HS2ST1: variants seen among roughly 807,000 people sequenced by gnomAD.
HS2ST1 encodes the protein heparan sulfate 2-O-sulfotransferase 1.
In HS2ST1, 18 loss-of-function variants were observed where a neutral mutation model predicts 42.9. The observed-to-expected ratio is 0.42, with a 90% CI of 0.29 to 0.62. HS2ST1 has a LOEUF of 0.62. Ranked by LOEUF, HS2ST1 falls within the 20% of genes least tolerant of loss-of-function variation. The pLI is 0.21. For synonymous variants in HS2ST1, 146 were observed against 152.9 expected (o/e 0.95, Z 0.33); for missense variants, 334 against 433.8 (o/e 0.77, Z 2.04).
chr1:87,009,216 A>G (rs1201139990), intron 1 of HS2ST1, among the ~76,000 whole-genome samples: 2 of 152,198 alleles, frequency 1.3e-5, no homozygotes, highest in African/African-American at 4.8e-5. Context: ...GTTATGTACA[A>G]TGTGTATTAT....
At chr1:87,103,685 C>T (rs990397816) in intron 6 of HS2ST1, 96 bp downstream of exon 6, 14 of 1,019,440 alleles carry the variant, frequency 1.4e-5, no homozygotes, top group Non-Finnish European at 2.0e-5. Flanking sequence ...TTCAGTGAAA[C>T]ACAACAGATA....
At chr1:87,069,218 C>T (rs917016817) in intron 1 of HS2ST1, among the ~76,000 whole-genome samples, 2 of 152,202 alleles carry the variant, frequency 1.3e-5, no homozygotes, top group Admixed American at 6.5e-5. Flanking sequence ...ACGTATTGGA[C>T]TCATGCAGTT....
intron 1 of HS2ST1, among the ~76,000 whole-genome samples, chr1:86,947,057 T>C (rs1570438823): frequency 6.6e-6 from 1 of 152,242 alleles, no homozygotes; most frequent in African/African-American, 2.4e-5. Context: ...TTTCCTGAGC[T>C]CTAGCTACCA....
In HS2ST1 at chr1:86,993,183, A is replaced by G. The variant is rs1367961811; in HGVS notation, c.124+78023A>G. On this transcript the variant is annotated intron_variant, in intron 1 of 6. Transcript: ENST00000370550. ...CCCTCATCAACTGACTTTCATTTCA[A>G]AAGCTTTTAAATCCCCTGTGATAAA... The G allele has an allele frequency of 7.7e-6, 12 of 1,558,896 alleles. No homozygotes were observed. The Admixed American group carries it at 2.1e-4, about 27-fold the overall frequency.
chr1:86,930,031 A>G (rs1190284010), intron 1 of HS2ST1, among the ~76,000 whole-genome samples: 3 of 151,812 alleles, frequency 2.0e-5, no homozygotes, highest in Admixed American at 6.6e-5. Flanking sequence ...CCATTCTACA[A>G]TCAGAAATTT....
chr1:86,976,704 G>GTATGTGTATATATATATATA lies in HS2ST1; in HGVS notation c.124+61547_124+61548insGTGTATATATATATATATAT, dbSNP rs1553134338. On this transcript the variant is annotated intron_variant, in intron 1 of 6. Transcript: ENST00000370550. ...AAATCCATCTTTTCTTTATAAAATT[G>GTATGTGTATATATATATATA]TATATATATATATATATTTTAAATG... Among the ~76,000 whole-genome samples the GTATGTGTATATATATATATA allele has an allele frequency of 6.1e-4, 49 of 79,710 alleles. 3 individuals carry two copies. Among genetic ancestry groups the GTATGTGTATATATATATATA allele is most frequent in the African/African-American group, 1.7e-3 (47 of 28,290 alleles). The allele number at this position is 79,710 out of a possible 152,430, so 52.3% of individuals were successfully genotyped here. A position where few individuals can be genotyped will look rare whatever the true frequency, so the allele number is the denominator to read the frequency against.
chr1:86,950,385 T>TAGAC (rs532210931), intron 1 of HS2ST1, among the ~76,000 whole-genome samples: 3,657 of 152,060 alleles, frequency 0.024, 72 homozygotes, highest in African/African-American at 0.049. Context: ...GGTAGGTAGA[T>TAGAC]AGACAGACAG....
intron 1 of HS2ST1, among the ~76,000 whole-genome samples, chr1:86,981,401 C>T (rs1266859024): frequency 6.6e-6 from 1 of 152,198 alleles, no homozygotes; most frequent in Non-Finnish European, 1.5e-5. Context: ...CTAACATTAA[C>T]CCAAAAGTCC....
chr1:87,024,480 G>A (rs1344375105), intron 1 of HS2ST1, among the ~76,000 whole-genome samples: 9 of 147,646 alleles, frequency 6.1e-5, no homozygotes, highest in East Asian at 3.9e-4. Flanking sequence ...CAGCCTGGGC[G>A]ACAGAGTGAG....
chr1:87,023,308 G>GT (rs1031963585), intron 1 of HS2ST1, among the ~76,000 whole-genome samples: 4 of 151,792 alleles, frequency 2.6e-5, no homozygotes, highest in Middle Eastern at 3.4e-3. Flanking sequence ...CATTGCAGCA[G>GT]TTTTTTTTGT....
At chr1:87,011,272 A>G (rs1240147033) in intron 1 of HS2ST1, among the ~76,000 whole-genome samples, 1 of 151,776 alleles carries the variant, frequency 6.6e-6, no homozygotes, top group Non-Finnish European at 1.5e-5. Flanking sequence ...TTTTATTATT[A>G]TTTTTTAAAT....
intron 1 of HS2ST1, among the ~76,000 whole-genome samples, chr1:86,920,978 G>C (rs945577375): frequency 6.6e-6 from 1 of 151,938 alleles, no homozygotes; most frequent in South Asian, 2.1e-4. Flanking sequence ...AAAAAAAAAA[G>C]TATGTGAGGT....
chr1:86,966,716 G>T (rs1405545140), intron 1 of HS2ST1, among the ~76,000 whole-genome samples: 2 of 152,172 alleles, frequency 1.3e-5, no homozygotes, highest in African/African-American at 4.8e-5. Flanking sequence ...GTAGCTGGTA[G>T]ATTACCAGCA....
chr1:87,064,381 G>A (rs912866540), intron 1 of HS2ST1: 10 of 458,232 alleles, frequency 2.2e-5, no homozygotes, highest in Non-Finnish European at 3.9e-5. Flanking sequence ...TTTGTTTCAT[G>A]TATTGTGTGC....
intron 4 of HS2ST1, among the ~76,000 whole-genome samples, chr1:87,095,249 T>G (rs1652033348): frequency 6.6e-6 from 1 of 152,156 alleles, no homozygotes; most frequent in Non-Finnish European, 1.5e-5. Context: ...TGGCCATGAT[T>G]ATGTTGGAAA....
At chr1:87,008,535 C>T (rs534275724) in intron 1 of HS2ST1, among the ~76,000 whole-genome samples, 2 of 152,304 alleles carry the variant, frequency 1.3e-5, no homozygotes, top group Non-Finnish European at 2.9e-5. Context: ...TATCCAGAAA[C>T]TCCAAGGCAG....
At chr1:86,962,188 C>T (rs1647865765) in intron 1 of HS2ST1, among the ~76,000 whole-genome samples, 1 of 152,084 alleles carries the variant, frequency 6.6e-6, no homozygotes, top group Non-Finnish European at 1.5e-5. Context: ...TATTGACAGA[C>T]ACAAAGATAA....
In HS2ST1 at chr1:86,915,089, T is replaced by TGGCCTTCGCGGTGGC. The variant is rs1289195775; in HGVS notation, c.55_69dup (p.Ala19_Ala23dup). 2 of 1,614,128 alleles carry TGGCCTTCGCGGTGGC rather than the reference T, an allele frequency of 1.2e-6. No individual in the cohort carries two copies. Among genetic ancestry groups the TGGCCTTCGCGGTGGC allele is most frequent in the Admixed American group, 1.7e-5 (1 of 60,022 alleles). ...CCCAAGTTGCAGCTGCTGGCGGTGG[T>TGGCCTTCGCGGTGGC]GGCCTTCGCGGTGGCGATGCTCTTC... is the stretch of plus-strand genomic sequence containing the variant. On this transcript the variant is annotated inframe_insertion, in exon 1 of 7. Coordinates refer to ENST00000370550, the MANE Select transcript of HS2ST1 (RefSeq NM_012262.4).
At chr1:86,977,272 G>T (rs1185493835) in intron 1 of HS2ST1, among the ~76,000 whole-genome samples, 1 of 152,094 alleles carries the variant, frequency 6.6e-6, no homozygotes, top group Non-Finnish European at 1.5e-5. Flanking sequence ...GTATACACTA[G>T]TAGTCAAAGC....
Sources: allele counts gnomAD v4.1 joint callset (sites outside exome capture counted in the v4.1 genomes callset), GRCh38; gene constraint gnomAD v4.1.1; transcripts MANE v1.5; gene names NCBI Gene and HGNC (gene_info 2026-07-23, HGNC 2026-07-21).